Variants in MDGA2 observed in about 807,000 individuals in gnomAD.
MDGA2 encodes MAM domain-containing glycosylphosphatidylinositol anchor protein 2.
A neutral mutation model predicts 117.8 loss-of-function variants in MDGA2; 40 were observed. The ratio of observed to expected loss-of-function variants is 0.34; its 90% confidence interval spans 0.26 to 0.44. The LOEUF is 0.44. Ranked by LOEUF, MDGA2 falls within the 20% of genes least tolerant of loss-of-function variation. MDGA2 has a pLI of 1.00. For synonymous variants in MDGA2, 452 were observed against 439.0 expected (o/e 1.03, Z -0.37); for missense variants, 1,123 against 1,250.6 (o/e 0.90, Z 1.54).
At chr14:47,187,668 T>G (rs1419498731) in intron 3 of MDGA2, among the ~76,000 whole-genome samples, 2 of 152,068 alleles carry the variant, frequency 1.3e-5, no homozygotes, top group Non-Finnish European at 2.9e-5. Flanking sequence ...AAGTTTTGGA[T>G]TTTTTGGCTG....
At chr14:47,092,817 G>T (rs1305939958) in intron 6 of MDGA2, among the ~76,000 whole-genome samples, 1 of 152,060 alleles carries the variant, frequency 6.6e-6, no homozygotes, top group Non-Finnish European at 1.5e-5. Flanking sequence ...CTGCTTAGAG[G>T]AAAAAGGGAG....
intron 9 of MDGA2, among the ~76,000 whole-genome samples, chr14:46,951,236 AT>A (rs1885361304): frequency 6.6e-6 from 1 of 151,966 alleles, no homozygotes; most frequent in Non-Finnish European, 1.5e-5. Context: ...TGAAGGATTT[AT>A]TTAGTTAATA....
At chr14:47,115,152 C>T (rs1881259431) in intron 5 of MDGA2, among the ~76,000 whole-genome samples, 1 of 152,020 alleles carries the variant, frequency 6.6e-6, no homozygotes. Flanking sequence ...TAAATTCATA[C>T]TTAACACATT....
At chr14:46,966,899 AT>A (rs1305747159) in intron 8 of MDGA2, among the ~76,000 whole-genome samples, 1 of 141,630 alleles carries the variant, frequency 7.1e-6, no homozygotes, top group African/African-American at 2.5e-5. Context: ...GAAAATGTTT[AT>A]TTGTGTGTAT....
At chr14:47,609,002 G>C (rs1167725491) in intron 1 of MDGA2, among the ~76,000 whole-genome samples, 1 of 151,966 alleles carries the variant, frequency 6.6e-6, no homozygotes, top group African/African-American at 2.4e-5. Flanking sequence ...AAAAACAAAA[G>C]TCTAGAAGAG....
intron 1 of MDGA2, among the ~76,000 whole-genome samples, chr14:47,541,074 C>T (rs1895343824): frequency 6.6e-6 from 1 of 152,064 alleles, no homozygotes; most frequent in Non-Finnish European, 1.5e-5. Flanking sequence ...AAATTCAAAT[C>T]CACCTAGATA....
chr14:47,295,941 GA>G lies in MDGA2; in HGVS notation c.420+5469del, dbSNP rs1281822907. 6.1e-5 allele frequency among the ~76,000 whole-genome samples: 9 copies of G among 148,310 alleles called. No homozygotes were observed. The East Asian group carries it at 1.8e-3, about 30-fold the overall frequency. ...ATATAGATAGATGATAAGATAGATA[GA>G]TAGATAGATAGATAGATAGATAGAT... On this transcript the variant is annotated intron_variant, in intron 2 of 16. Coordinates refer to ENST00000399232, the MANE Select transcript of MDGA2 (RefSeq NM_001113498.3).
chr14:47,472,410 G>A lies in MDGA2; in HGVS notation c.281-170860C>T, dbSNP rs544374791. The stretch of plus-strand genomic sequence containing the variant: ...AATCTGTGCAGCAAGTTACTGTACT[G>A]AATACTTCAGGCAATTATAACACAA... On this transcript the variant is annotated intron_variant, in intron 1 of 16. Coordinates refer to ENST00000399232, the MANE Select transcript of MDGA2 (RefSeq NM_001113498.3). Among the ~76,000 whole-genome samples the A allele has an allele frequency of 1.6e-4, 25 of 152,250 alleles. 1 individual carries two copies. The South Asian group carries it at 5.0e-3, about 30-fold the overall frequency.
intron 9 of MDGA2, among the ~76,000 whole-genome samples, chr14:46,923,467 T>A (rs1053377371): frequency 6.6e-6 from 1 of 152,090 alleles, no homozygotes; most frequent in African/African-American, 2.4e-5. Flanking sequence ...TTACTTAGAA[T>A]CATGAGATTA....
chr14:47,675,032 C>T lies in MDGA2; in HGVS notation c.-236G>A, dbSNP rs1950755. 1,171 of 204,064 alleles carry T rather than the reference C, an allele frequency of 5.7e-3. 24 individuals carry two copies. Among genetic ancestry groups the T allele is most frequent in the African/African-American group, 0.025 (1,053 of 42,776 alleles). 12.6% of individuals were successfully genotyped at this position (204,064 alleles called of 1,614,324 possible). ...GCGCTGGGCCGGCGGCGGGCGCGGG[C>T]AGGGGGCCGGGGGTGCCGCGCGGTA... On this transcript the variant is annotated 5_prime_UTR_variant, in exon 1 of 17. Transcript: ENST00000399232.
chr14:46,840,556 AAAT>A lies in MDGA2; in HGVS notation c.*1372_*1374del, dbSNP rs1468936026. 1.3e-5 allele frequency: 2 copies of A among 152,540 alleles called. No individual in the cohort carries two copies. The highest frequency in any genetic ancestry group is 2.9e-5 in the Non-Finnish European group (2 of 68,004). The allele number at this position is 152,540 out of a possible 1,614,324, so 9.4% of individuals were successfully genotyped here. ...TTTTTATAATCTTGGTAAAATAATA[AAAT>A]AATATTTCACAATTTGCACAGAGTC... On this transcript the variant is annotated 3_prime_UTR_variant, in exon 17 of 17. Transcript: ENST00000399232.
chr14:47,234,916 C>A (rs1007601973), intron 2 of MDGA2, among the ~76,000 whole-genome samples: 6 of 152,046 alleles, frequency 3.9e-5, no homozygotes, highest in African/African-American at 1.4e-4. Flanking sequence ...ACAAAGCTGG[C>A]TTGTCTTTTA....
At chr14:47,642,012 G>A (rs145166400) in intron 1 of MDGA2, among the ~76,000 whole-genome samples, 90 of 152,200 alleles carry the variant, frequency 5.9e-4, no homozygotes, top group African/African-American at 2.0e-3. Flanking sequence ...GTGTTACAGT[G>A]CTTAATTACC....
At position 47,633,906 on chromosome 14, in the gene MDGA2, C is replaced by T. The variant is rs139627383; in HGVS notation, c.280+40611G>A. Among the ~76,000 whole-genome samples the T allele has an allele frequency of 8.0e-3, 1,219 of 151,994 alleles. 8 individuals carry two copies. The highest frequency in any genetic ancestry group is 0.014 in the Non-Finnish European group (932 of 67,970). On this transcript the variant is annotated intron_variant, in intron 1 of 16. Transcript: ENST00000399232. Reference sequence around the variant, plus strand: ...TGGTGCAAACTCTATTAACTGGGTCCGAAATGTTTAGATGACAAACTCCCT... The same window carrying T: ...TGGTGCAAACTCTATTAACTGGGTCTGAAATGTTTAGATGACAAACTCCCT...
At chr14:47,585,634 C>T (rs948042247) in intron 1 of MDGA2, among the ~76,000 whole-genome samples, 2 of 151,638 alleles carry the variant, frequency 1.3e-5, no homozygotes, top group African/African-American at 2.4e-5. Flanking sequence ...AGTGATTCAC[C>T]GGCTCCCATA....
At chr14:47,628,016 C>T (rs112504316) in intron 1 of MDGA2, among the ~76,000 whole-genome samples, 10,248 of 152,164 alleles carry the variant, frequency 0.067, 1,137 homozygotes, top group African/African-American at 0.23. Context: ...ACCAACAACC[C>T]ACCAATTCCG....
In MDGA2 at chr14:47,389,249, A is replaced by C. The variant is rs533514714; in HGVS notation, c.281-87699T>G. On this transcript the variant is annotated intron_variant, in intron 1 of 16. Transcript: ENST00000399232. ...TTTGGATCCATGAAATGAAAAAATAAATGTTATACAAATGCTGTATGGTCA... is the reference window on the plus strand; with the variant it reads ...TTTGGATCCATGAAATGAAAAAATACATGTTATACAAATGCTGTATGGTCA... 2.8e-4 allele frequency among the ~76,000 whole-genome samples: 43 copies of C among 152,290 alleles called. 1 individual carries two copies. Among genetic ancestry groups the C allele is most frequent in the Non-Finnish European group, 1.3e-4 (9 of 68,028 alleles).
intron 1 of MDGA2, among the ~76,000 whole-genome samples, chr14:47,624,384 G>A (rs1235721842): frequency 6.6e-6 from 1 of 152,182 alleles, no homozygotes; most frequent in South Asian, 2.1e-4. Flanking sequence ...TTTGAACCTA[G>A]GAGGTGGAGG....
intron 7 of MDGA2, among the ~76,000 whole-genome samples, chr14:47,054,091 T>G (rs1174325346): frequency 1.3e-5 from 2 of 151,966 alleles, no homozygotes; most frequent in Admixed American, 1.3e-4. Flanking sequence ...TGAGAGAGAT[T>G]GTGAGTACTA....
Sources: allele counts gnomAD v4.1 joint callset (sites outside exome capture counted in the v4.1 genomes callset), GRCh38; gene constraint gnomAD v4.1.1; transcripts MANE v1.5; gene names NCBI Gene and HGNC (gene_info 2026-07-23, HGNC 2026-07-21).